CHSY3: variants seen among roughly 807,000 people sequenced by gnomAD.
CHSY3 encodes N-acetylgalactosaminyl-proteoglycan 3-beta-glucuronosyltransferase 3.
In CHSY3, 35 loss-of-function variants were observed where a neutral mutation model predicts 67.2. The ratio of observed to expected loss-of-function variants is 0.52; its 90% CI spans 0.40 to 0.69. The LOEUF is 0.69. CHSY3 is among the 30% of genes least tolerant of loss of function. CHSY3 has a pLI of 0.00. For synonymous variants in CHSY3, 474 were observed against 434.7 expected (o/e 1.09, Z -1.12); for missense variants, 1,069 against 1,138.5 (o/e 0.94, Z 0.88).
chr5:130,104,012 T>A (rs1299292251), intron 2 of CHSY3, among the ~76,000 whole-genome samples: 1 of 151,910 alleles, frequency 6.6e-6, no homozygotes, highest in Non-Finnish European at 1.5e-5. Flanking sequence ...AAGCATTCAT[T>A]TTTTACAAGT....
rs548542878 is a variant in CHSY3, at chr5:130,076,259, C to T, written c.1087-107970C>T. ...GTCTGTCCTCTTTCTTATTGCATAC[C>T]TTCACTTCAGGACACCCTGTCCTCC... On this transcript the variant is annotated intron_variant, in intron 2 of 2. Coordinates refer to ENST00000305031, the MANE Select transcript of CHSY3 (RefSeq NM_175856.5). 1.3e-4 allele frequency among the ~76,000 whole-genome samples: 20 copies of T among 151,662 alleles called. No individual in the cohort carries two copies. In the South Asian group the frequency reaches 4.2e-3, roughly 32 times the overall value.
At chr5:130,125,416 C>CAGATAGATAGATAGAT (rs202095756) in intron 2 of CHSY3, among the ~76,000 whole-genome samples, 6,585 of 140,770 alleles carry the variant, frequency 0.047, 189 homozygotes, top group East Asian at 0.082. Flanking sequence ...GATCCTGTCT[C>CAGATAGATAGATAGAT]AGATAGATAG....
At chr5:129,935,233 G>C (rs751100603) in intron 2 of CHSY3, among the ~76,000 whole-genome samples, 1 of 152,148 alleles carries the variant, frequency 6.6e-6, no homozygotes, top group Non-Finnish European at 1.5e-5. Flanking sequence ...CACAAACATG[G>C]AAGAGGTTTC....
intron 2 of CHSY3, among the ~76,000 whole-genome samples, chr5:130,017,092 A>G (rs1419614841): frequency 6.6e-6 from 1 of 152,204 alleles, no homozygotes; most frequent in Non-Finnish European, 1.5e-5. Context: ...CACTGATACA[A>G]GACTGATTTA....
chr5:130,008,335 A>G (rs569999321), intron 2 of CHSY3, among the ~76,000 whole-genome samples: 8 of 152,344 alleles, frequency 5.3e-5, no homozygotes, highest in Middle Eastern at 3.4e-3. Flanking sequence ...ACCTAGGGTT[A>G]GAGCATGCAG....
intron 2 of CHSY3, among the ~76,000 whole-genome samples, chr5:130,097,033 C>T (rs939366597): frequency 5.9e-5 from 9 of 151,764 alleles, no homozygotes; most frequent in Non-Finnish European, 1.0e-4. Flanking sequence ...TTTTTTGCTC[C>T]CCTTGTGGGT....
At chr5:130,128,513 G>C (rs1195954691) in intron 2 of CHSY3, among the ~76,000 whole-genome samples, 1 of 152,068 alleles carries the variant, frequency 6.6e-6, no homozygotes. Flanking sequence ...CAGAGGCTGA[G>C]GGGAGAGGGA....
At chr5:129,975,226 TA>T (rs1255299377) in intron 2 of CHSY3, among the ~76,000 whole-genome samples, 1 of 152,094 alleles carries the variant, frequency 6.6e-6, no homozygotes, top group Non-Finnish European at 1.5e-5. Flanking sequence ...TAAAGTATAA[TA>T]AAAAATAAAT....
chr5:130,036,950 T>G (rs1580671726), intron 2 of CHSY3, among the ~76,000 whole-genome samples: 1 of 152,052 alleles, frequency 6.6e-6, no homozygotes, highest in African/African-American at 2.4e-5. Flanking sequence ...TGGATCAGCT[T>G]GAGGAAAGAT....
chr5:129,981,241 T>A (rs1177301638), intron 2 of CHSY3, among the ~76,000 whole-genome samples: 6 of 151,346 alleles, frequency 4.0e-5, no homozygotes. Context: ...AAAAGATCAA[T>A]CGACTATATT....
At chr5:129,916,885 T>G (rs1265166302) in intron 2 of CHSY3, among the ~76,000 whole-genome samples, 1 of 152,164 alleles carries the variant, frequency 6.6e-6, no homozygotes, top group Non-Finnish European at 1.5e-5. Context: ...TAAATTGTTT[T>G]TTTTTCATTG....
intron 2 of CHSY3, among the ~76,000 whole-genome samples, chr5:130,050,533 A>G (rs1358598567): frequency 6.6e-6 from 1 of 152,160 alleles, no homozygotes; most frequent in African/African-American, 2.4e-5. Flanking sequence ...TTGTACAACA[A>G]TAGCTGGTTG....
At chr5:130,016,144 C>T (rs764782127) in intron 2 of CHSY3, among the ~76,000 whole-genome samples, 3 of 152,188 alleles carry the variant, frequency 2.0e-5, no homozygotes, top group East Asian at 1.9e-4. Context: ...TGGTCTCTAC[C>T]TGGTGATGGA....
intron 2 of CHSY3, among the ~76,000 whole-genome samples, chr5:130,034,416 T>C (rs1198132557): frequency 6.6e-6 from 1 of 152,148 alleles, no homozygotes; most frequent in Non-Finnish European, 1.5e-5. Flanking sequence ...TTTCCTCAAA[T>C]AGAAATCTTA....
rs1770427271 is a variant in CHSY3, at chr5:130,186,544, T to G, written c.*753T>G. ...TTAGAAGCTTTATGAAACAATGTCC[T>G]TCATTTGCTGGCAAGAAGATAAAAT... is the stretch of plus-strand genomic sequence containing the variant. On this transcript the variant is annotated 3_prime_UTR_variant, in exon 3 of 3. Coordinates refer to ENST00000305031, the MANE Select transcript of CHSY3 (RefSeq NM_175856.5). 6.5e-6 allele frequency: 1 copy of G among 152,776 alleles called. No individual in the cohort carries two copies. 9.5% of individuals were successfully genotyped at this position (152,776 alleles called of 1,614,324 possible). A position where few individuals can be genotyped will look rare whatever the true frequency, so the allele number is the denominator to read the frequency against.
At chr5:129,923,616 A>C (rs1041143086) in intron 2 of CHSY3, among the ~76,000 whole-genome samples, 1 of 152,168 alleles carries the variant, frequency 6.6e-6, no homozygotes, top group Middle Eastern at 3.2e-3. Context: ...GATGATATTT[A>C]AGCTATGCAG....
rs774226347 is a variant in CHSY3 at position 129,904,987 on chromosome 5, C to T, written c.158C>T (p.Ala53Val). The change falls in exon 1 of 3, where the codon GCT (alanine) becomes GTT (valine). Residue 53 changes from alanine (A) to valine (V), a missense_variant. Physicochemically the swap from Ala to Val is moderately conservative, Grantham distance 64. Transcript: ENST00000305031. The stretch of plus-strand genomic sequence containing the variant: ...TGCTCCTACTACGGTCGCTCTGCTG[C>T]TGGCCCCCGCGCCGGCGCTCAGCAG... ...SLCSYYGRSAAGPRAGAQQPL... is the reference protein window; with the variant it reads ...SLCSYYGRSAVGPRAGAQQPL... 3.8e-6 allele frequency: 6 copies of T among 1,567,432 alleles called. No homozygotes were observed. The African/African-American group carries it at 6.8e-5, about 18-fold the overall frequency.
At chr5:129,997,146 T>C (rs549221071) in intron 2 of CHSY3, among the ~76,000 whole-genome samples, 1 of 151,960 alleles carries the variant, frequency 6.6e-6, no homozygotes, top group African/African-American at 2.4e-5. Context: ...ACTCTAGCTC[T>C]TCTGTTTCAT....
At chr5:130,052,324 G>T (rs116095239) in intron 2 of CHSY3, among the ~76,000 whole-genome samples, 1,554 of 152,260 alleles carry the variant, frequency 0.01, 21 homozygotes, top group African/African-American at 0.034. Context: ...CCCACAGTGG[G>T]GGTGTGGTTC....
Sources: allele counts gnomAD v4.1 joint callset (sites outside exome capture counted in the v4.1 genomes callset), GRCh38; gene constraint gnomAD v4.1.1; transcripts MANE v1.5; gene names NCBI Gene and HGNC (gene_info 2026-07-23, HGNC 2026-07-21).